The following MYH15 variants were observed in gnomAD, a reference collection of about 807,000 sequenced individuals.
The protein encoded by MYH15 is myosin heavy chain 15.
MYH15 carries 227 observed loss-of-function variants against 240.5 expected under a neutral mutation model. The observed-to-expected ratio is 0.94, with a 90% CI of 0.85 to 1.05. The LOEUF (loss-of-function observed/expected upper bound fraction) is 1.05, where lower values mean the gene tolerates loss of function less well. Among genes scored for constraint, MYH15 ranks in the 50% least tolerant of loss-of-function variants. MYH15 has a pLI of 0.00. For synonymous variants in MYH15, 785 were observed against 796.7 expected (o/e 0.99, Z 0.25); for missense variants, 2,217 against 2,247.5 (o/e 0.99, Z 0.27).
At chr3:108,400,667 G>A (rs1047490230) in intron 33 of MYH15, among the ~76,000 whole-genome samples, 8 of 152,140 alleles carry the variant, frequency 5.3e-5, no homozygotes, top group Non-Finnish European at 8.8e-5. Context: ...ATATTAGCCA[G>A]GCGTGGTGGC....
At chr3:108,478,591 G>A (rs956750275) in intron 11 of MYH15, among the ~76,000 whole-genome samples, 6 of 97,558 alleles carry the variant, frequency 6.2e-5, no homozygotes, top group Non-Finnish European at 6.9e-5. Context: ...TTTAAAAGAC[G>A]GGAAGAAATA....
In MYH15 at chr3:108,414,303, A is replaced by G; in HGVS notation, c.4074T>C (p.Ala1358=). ...ACTTCATTCTCCATTGCACCATTTCAGCATTGACTTTGGATAAGGTCCGGT... is the reference window on the plus strand; with the variant it reads ...ACTTCATTCTCCATTGCACCATTTCGGCATTGACTTTGGATAAGGTCCGGT... ...ELHRTLSKVN[A]EMVQWRMKYE... is the part of the protein sequence containing the mutation. The change falls in exon 30 of 41, where the codon GCT becomes GCC. Residue 1358 remains alanine, a synonymous_variant. Coordinates refer to ENST00000693548, the MANE Select transcript of MYH15 (RefSeq NM_014981.3). 1 of 1,614,162 alleles carries G rather than the reference A, an allele frequency of 6.2e-7. No individual in the cohort carries two copies. The highest frequency in any genetic ancestry group is 8.5e-7 in the Non-Finnish European group (1 of 1,180,026).
intron 20 of MYH15, among the ~76,000 whole-genome samples, chr3:108,454,718 C>G (rs1431967298): frequency 3.2e-4 from 48 of 152,092 alleles, no homozygotes; most frequent in Non-Finnish European, 1.5e-5. Context: ...AAATAATCCA[C>G]AAAAGTATTT....
At position 108,383,745 on chromosome 3, in the gene MYH15, A is replaced by C. The variant is rs1560300980; in HGVS notation, c.5632-16T>G. 6.5e-7 allele frequency: 1 copy of C among 1,534,186 alleles called. No homozygotes were observed. The highest frequency in any genetic ancestry group is 1.3e-5 in the South Asian group (1 of 79,710). On this transcript the variant is annotated splice_polypyrimidine_tract_variant and intron_variant, in intron 39 of 40. Transcript: ENST00000693548. ...CTTGTGTTTCCTATAAAAATAAAAA[A>C]AAAAAAAAAGAAATCTCCATGCCTA...
At chr3:108,510,227 G>C (rs758370234) in intron 1 of MYH15, among the ~76,000 whole-genome samples, 5 of 152,094 alleles carry the variant, frequency 3.3e-5, no homozygotes, top group Non-Finnish European at 5.9e-5. Context: ...CCCGGGCCTA[G>C]ACTGCCTCCC....
At chr3:108,546,253 A>G in the MYH15 span, among the ~76,000 whole-genome samples, 1 of 152,156 alleles carries the variant, frequency 6.6e-6, no homozygotes, top group Non-Finnish European at 1.5e-5. Flanking sequence ...CTAATTGAAG[A>G]TGAACAGTGC....
intron 11 of MYH15, among the ~76,000 whole-genome samples, 185 bp from the exon 12 acceptor site, chr3:108,476,700 A>G (rs1159150782): frequency 6.6e-6 from 1 of 152,212 alleles, no homozygotes; most frequent in African/African-American, 2.4e-5. Context: ...TATTTCTTCG[A>G]AATACAAGTC....
intron 19 of MYH15, 147 bp from the exon 20 acceptor site, chr3:108,456,006 A>C: frequency 1.2e-6 from 1 of 809,576 alleles, no homozygotes. Context: ...TAGTAACAAT[A>C]ATGAGGGTAC....
chr3:108,429,851 T>C (rs953531529), intron 26 of MYH15, among the ~76,000 whole-genome samples: 3 of 152,202 alleles, frequency 2.0e-5, no homozygotes, highest in African/African-American at 4.8e-5. Context: ...CAAGTAACCA[T>C]GATCCTCTTC....
upstream of MYH15, among the ~76,000 whole-genome samples, chr3:108,532,160 T>C (rs1284328679): frequency 6.6e-6 from 1 of 152,062 alleles, no homozygotes; most frequent in Non-Finnish European, 1.5e-5. Flanking sequence ...GACAGTTAAA[T>C]TTTTGTCTTG....
At chr3:108,466,438 C>A (rs973851833) in intron 14 of MYH15, among the ~76,000 whole-genome samples, 5 of 152,150 alleles carry the variant, frequency 3.3e-5, no homozygotes, top group Admixed American at 6.6e-5. Context: ...GAGTCTTATA[C>A]ACAGTAGTGT....
At chr3:108,438,771 A>G (rs1039917982) in intron 24 of MYH15, among the ~76,000 whole-genome samples, 1 of 152,188 alleles carries the variant, frequency 6.6e-6, no homozygotes, top group Non-Finnish European at 1.5e-5. Context: ...CCAGAACTGT[A>G]GGAAATAAAC....
At chr3:108,489,947 A>G (rs1459545692) in intron 9 of MYH15, among the ~76,000 whole-genome samples, 1 of 152,214 alleles carries the variant, frequency 6.6e-6, no homozygotes, top group Non-Finnish European at 1.5e-5. Flanking sequence ...GAAGAAGATA[A>G]ATGAACTCAG....
At chr3:108,525,812 A>C (rs1289128863) in intron 1 of MYH15, among the ~76,000 whole-genome samples, 1 of 152,112 alleles carries the variant, frequency 6.6e-6, no homozygotes, top group Non-Finnish European at 1.5e-5. Context: ...ATAAATTTCA[A>C]AATATATTTC....
chr3:108,442,089 G>A (rs79500928), intron 22 of MYH15, among the ~76,000 whole-genome samples: 1,732 of 152,188 alleles, frequency 0.011, 17 homozygotes, highest in Non-Finnish European at 0.017. Flanking sequence ...TAATTGTTGC[G>A]GGTCTTGCTG....
At chr3:108,389,769 T>C (rs563598745) in intron 37 of MYH15, among the ~76,000 whole-genome samples, 1 of 151,530 alleles carries the variant, frequency 6.6e-6, no homozygotes, top group African/African-American at 2.4e-5. Flanking sequence ...GGAGAGGGAG[T>C]AGGGAGTTGA....
chr3:108,515,607 T>C (rs1330044460), intron 1 of MYH15, among the ~76,000 whole-genome samples: 6 of 152,210 alleles, frequency 3.9e-5, no homozygotes, highest in Non-Finnish European at 7.3e-5. Context: ...TCAGTCTCTG[T>C]CCCAACAAAG....
chr3:108,398,101 G>A (rs955552581), intron 35 of MYH15, among the ~76,000 whole-genome samples: 2 of 152,172 alleles, frequency 1.3e-5, no homozygotes, highest in Non-Finnish European at 2.9e-5. Flanking sequence ...AGGGAGGTAG[G>A]GGGTAAATGA....
At position 108,383,717 on chromosome 3, in the gene MYH15, TG is replaced by T. The variant is rs1288203599; in HGVS notation, c.5643del (p.Asn1882IlefsTer14). The T allele has an allele frequency of 6.4e-7, 1 of 1,567,622 alleles. No individual in the cohort carries two copies. The highest frequency in any genetic ancestry group is 8.6e-7 in the Non-Finnish European group (1 of 1,161,774). On this transcript the variant is annotated frameshift_variant, in exon 40 of 41. Coordinates refer to ENST00000693548, the MANE Select transcript of MYH15 (RefSeq NM_014981.3). LOFTEE classifies it high-confidence loss of function. Reference sequence around the variant, plus strand: ...TTCTTATACTTGGAAAGGTATTGATTGGCTTGTGTTTCCTATAAAAATAAAA... The same window carrying T: ...TTCTTATACTTGGAAAGGTATTGATTGCTTGTGTTTCCTATAAAAATAAAA... Reference protein sequence around the residue: ...KQQVEVAETQANQYLSKYKKQ... With the variant: ...KQQVEVAETQXNQYLSKYKKQ...
Sources: gnomAD v4.1 joint callset for allele counts (sites outside exome capture counted in the v4.1 genomes callset) on GRCh38, gnomAD v4.1.1 for gene constraint, MANE v1.5 for transcripts, NCBI Gene and HGNC (gene_info 2026-07-23, HGNC 2026-07-21) for gene names.